GALNTL6: variants seen among roughly 807,000 people sequenced by gnomAD.
The protein encoded by GALNTL6 is polypeptide N-acetylgalactosaminyltransferase-like 6.
A neutral mutation model predicts 73.7 loss-of-function variants in GALNTL6; 46 were observed. That is an observed-to-expected ratio of 0.62 (90% CI 0.49 to 0.80). The LOEUF (loss-of-function observed/expected upper bound fraction) is 0.80, where lower values mean the gene tolerates loss of function less well. Ranked by LOEUF, GALNTL6 falls within the 30% of genes least tolerant of loss-of-function variation. The probability of loss-of-function intolerance (pLI) is 0.00; values close to 1 mark genes in which losing one functional copy is unlikely to be tolerated. For synonymous variants in GALNTL6, 259 were observed against 263.7 expected, an observed-to-expected ratio of 0.98 and a Z score of 0.17; for missense variants, 604 against 755.0, an observed-to-expected ratio of 0.80 and a Z score of 2.34.
intron 2 of GALNTL6, among the ~76,000 whole-genome samples, chr4:172,130,705 C>T (rs1733464953): frequency 1.3e-5 from 2 of 151,982 alleles, no homozygotes; most frequent in South Asian, 2.1e-4. Flanking sequence ...AATTTAATCA[C>T]ATGATTTTTA....
intron 2 of GALNTL6, among the ~76,000 whole-genome samples, chr4:172,104,120 G>A (rs28650016): frequency 0.41 from 61,464 of 151,444 alleles, 13,013 homozygotes; most frequent in African/African-American, 0.5. Flanking sequence ...ATTTTTTTGT[G>A]TTTTTAGTAA....
At chr4:172,219,434 C>G (rs190899147) in intron 2 of GALNTL6, among the ~76,000 whole-genome samples, 1 of 151,578 alleles carries the variant, frequency 6.6e-6, no homozygotes, top group South Asian at 2.1e-4. Context: ...ATATGCCATT[C>G]AATTCCTATA....
intron 10 of GALNTL6, among the ~76,000 whole-genome samples, chr4:172,952,785 G>A (rs1749522510): frequency 6.6e-6 from 1 of 152,062 alleles, no homozygotes; most frequent in Non-Finnish European, 1.5e-5. Flanking sequence ...CAAAGTTTTG[G>A]GATTACAGGC....
intron 5 of GALNTL6, among the ~76,000 whole-genome samples, chr4:172,772,028 T>C (rs1020504284): frequency 1.3e-5 from 2 of 152,116 alleles, no homozygotes; most frequent in African/African-American, 2.4e-5. Flanking sequence ...CTCACAATCA[T>C]GGCGAAAGGT....
At chr4:172,965,795 G>A (rs997721574) in intron 10 of GALNTL6, among the ~76,000 whole-genome samples, 2 of 151,656 alleles carry the variant, frequency 1.3e-5, no homozygotes, top group Non-Finnish European at 2.9e-5. Flanking sequence ...AAAACATTCT[G>A]TCTTATCTTT....
intron 2 of GALNTL6, among the ~76,000 whole-genome samples, chr4:171,852,219 C>T (rs1037957298): frequency 3.9e-5 from 6 of 152,074 alleles, no homozygotes. Context: ...CAATTCTGTG[C>T]TCCATTTTTA....
intron 12 of GALNTL6, among the ~76,000 whole-genome samples, chr4:173,030,178 G>A (rs187644098): frequency 1.2e-4 from 18 of 152,254 alleles, no homozygotes; most frequent in African/African-American, 4.1e-4. Context: ...TGATTCTTAT[G>A]CAGAAAATTT....
intron 3 of GALNTL6, among the ~76,000 whole-genome samples, chr4:172,264,520 T>A (rs1738368816): frequency 7.0e-6 from 1 of 142,280 alleles, no homozygotes; most frequent in Non-Finnish European, 1.5e-5. Flanking sequence ...ATATATTATA[T>A]TTATATTTAA....
chr4:172,242,323 T>G (rs995877890), intron 3 of GALNTL6, among the ~76,000 whole-genome samples: 6 of 151,754 alleles, frequency 4.0e-5, no homozygotes, highest in African/African-American at 1.5e-4. Context: ...GTGTGTGTGT[T>G]TGTATGTGTG....
chr4:172,388,445 A>G (rs1488511828), intron 5 of GALNTL6, among the ~76,000 whole-genome samples: 3 of 152,150 alleles, frequency 2.0e-5, no homozygotes, highest in Non-Finnish European at 2.9e-5. Flanking sequence ...TGCCACAGAA[A>G]GTATTTTTGT....
intron 3 of GALNTL6, among the ~76,000 whole-genome samples, chr4:172,301,148 G>C (rs1384903307): frequency 6.6e-6 from 1 of 151,990 alleles, no homozygotes; most frequent in Non-Finnish European, 1.5e-5. Context: ...CTTTCTTCCA[G>C]TTGATCGAAT....
chr4:172,246,853 TACAC>T (rs1017254032), intron 3 of GALNTL6, among the ~76,000 whole-genome samples: 7 of 150,364 alleles, frequency 4.7e-5, no homozygotes, highest in Non-Finnish European at 8.9e-5. Flanking sequence ...ATCATTTACA[TACAC>T]ACACAGTCAA....
intron 5 of GALNTL6, among the ~76,000 whole-genome samples, chr4:172,350,637 A>G (rs1561040214): frequency 6.6e-6 from 1 of 152,226 alleles, no homozygotes; most frequent in Non-Finnish European, 1.5e-5. Flanking sequence ...AATCAAATTG[A>G]AAGTATAATT....
At chr4:172,292,071 A>G (rs1271430901) in intron 3 of GALNTL6, among the ~76,000 whole-genome samples, 1 of 152,176 alleles carries the variant, frequency 6.6e-6, no homozygotes, top group Non-Finnish European at 1.5e-5. Flanking sequence ...CCTGTTTAAT[A>G]TAATGGTGAT....
At chr4:172,150,891 G>T (rs764711498) in intron 2 of GALNTL6, among the ~76,000 whole-genome samples, 6 of 152,310 alleles carry the variant, frequency 3.9e-5, no homozygotes, top group South Asian at 2.1e-4. Flanking sequence ...GTTAAGAAAA[G>T]AAGTTGCAGT....
At chr4:171,843,513 A>G (rs1178305495) in intron 2 of GALNTL6, among the ~76,000 whole-genome samples, 1 of 152,082 alleles carries the variant, frequency 6.6e-6, no homozygotes, top group Non-Finnish European at 1.5e-5. Context: ...GTTTATTTAG[A>G]TTCTACCTAT....
At chr4:172,133,306 T>G (rs567353792) in intron 2 of GALNTL6, among the ~76,000 whole-genome samples, 102 of 152,220 alleles carry the variant, frequency 6.7e-4, no homozygotes, top group Non-Finnish European at 1.2e-3. Context: ...GAACTGGTTC[T>G]GCGTACATTA....
intron 8 of GALNTL6, among the ~76,000 whole-genome samples, chr4:172,910,018 G>A (rs1747114845): frequency 6.6e-6 from 1 of 151,738 alleles, no homozygotes; most frequent in South Asian, 2.1e-4. Flanking sequence ...TGAAAAAAAG[G>A]CAAAGTATAT....
chr4:172,057,866 C>T (rs1731077378), intron 2 of GALNTL6, among the ~76,000 whole-genome samples: 1 of 150,656 alleles, frequency 6.6e-6, no homozygotes, highest in South Asian at 2.1e-4. Flanking sequence ...GTGTTTTTAA[C>T]ACGATTTATT....
Sources: gnomAD v4.1 joint callset for allele counts (sites outside exome capture counted in the v4.1 genomes callset) on GRCh38, gnomAD v4.1.1 for gene constraint, MANE v1.5 for transcripts, NCBI Gene and HGNC (gene_info 2026-07-23, HGNC 2026-07-21) for gene names.